ANKRD30BL: variants seen among roughly 807,000 people sequenced by gnomAD.
ANKRD30BL encodes the protein ankyrin repeat domain 30B like.
A neutral mutation model predicts 18.4 loss-of-function variants in ANKRD30BL; 20 were observed. The ratio of observed to expected loss-of-function variants is 1.09; its 90% CI spans 0.77 to 1.58. The LOEUF is 1.58. Ranked by LOEUF, ANKRD30BL falls within the 40% of genes most tolerant of loss-of-function variation. ANKRD30BL has a pLI of 0.00. For missense variants in ANKRD30BL, 224 were observed against 268.6 expected (o/e 0.83, Z 1.16); for synonymous variants, 72 against 100.9 (o/e 0.71, Z 1.72).
rs1167704016 is a variant in ANKRD30BL, at chr2:132,233,250, A to T, written n.441+24279T>A. On this transcript the variant is annotated intron_variant and non_coding_transcript_variant, in intron 1 of 4. Transcript: ENST00000470729. Reference sequence around the variant, plus strand: ...AAAATCATGCCAAAATGTAAAGACCATCGAGACTAGGAAGAAACTGCATCA... The same window carrying T: ...AAAATCATGCCAAAATGTAAAGACCTTCGAGACTAGGAAGAAACTGCATCA... Among the ~76,000 whole-genome samples, 9 of 152,074 alleles carry T rather than the reference A, an allele frequency of 5.9e-5. No individual in the cohort carries two copies. In the East Asian group the frequency reaches 9.6e-4, roughly 16 times the overall value.
upstream of ANKRD30BL, among the ~76,000 whole-genome samples, chr2:132,164,022 T>C (rs62161672): frequency 0.14 from 21,698 of 152,214 alleles, 1,768 homozygotes; most frequent in Admixed American, 0.23. Context: ...TTTTATCACA[T>C]GATCATTCCG....
chr2:132,202,469 GA>G (rs1679127080), intron 1 of ANKRD30BL, among the ~76,000 whole-genome samples: 1 of 149,084 alleles, frequency 6.7e-6, no homozygotes, highest in Non-Finnish European at 1.5e-5. Context: ...AATATTTTAA[GA>G]TAAAATTTAA....
intron 1 of ANKRD30BL, among the ~76,000 whole-genome samples, chr2:132,203,140 G>T (rs1395616017): frequency 6.6e-6 from 1 of 152,294 alleles, no homozygotes; most frequent in Non-Finnish European, 1.5e-5. Context: ...AAAGGCAGGT[G>T]GAGGAAAATA....
chr2:132,256,584 C>A (rs1406133336), intron 1 of ANKRD30BL, among the ~76,000 whole-genome samples: 1 of 152,232 alleles, frequency 6.6e-6, no homozygotes, highest in Non-Finnish European at 1.5e-5. Flanking sequence ...CTCGCGGCAC[C>A]TGGAGCGGCC....
intron 1 of ANKRD30BL, among the ~76,000 whole-genome samples, chr2:132,213,738 G>A (rs955060769): frequency 6.6e-6 from 1 of 152,168 alleles, no homozygotes; most frequent in Non-Finnish European, 1.5e-5. Flanking sequence ...TCATTGAGCA[G>A]TTTTGAAACA....
At chr2:132,249,088 A>G (rs1680580657) in intron 1 of ANKRD30BL, among the ~76,000 whole-genome samples, 1 of 152,230 alleles carries the variant, frequency 6.6e-6, no homozygotes, top group Non-Finnish European at 1.5e-5. Context: ...ATTACAAAGC[A>G]GTTTCTCAGA....
chr2:132,180,260 A>T (rs1489048578), intron 1 of ANKRD30BL, among the ~76,000 whole-genome samples: 1 of 148,588 alleles, frequency 6.7e-6, no homozygotes, highest in Non-Finnish European at 1.5e-5. Flanking sequence ...CTATGATAAG[A>T]TGCAAAATAC....
At position 132,157,376 on chromosome 2, in the gene ANKRD30BL, G is replaced by T. The variant is rs753465913; in HGVS notation, c.266C>A (p.Thr89Lys). The change falls in exon 2 of 6, where the codon ACA (threonine) becomes AAA (lysine). Residue 89 changes from threonine to lysine, a missense_variant. Physicochemically the swap from Thr to Lys is moderately conservative, Grantham distance 78. Coordinates refer to ENST00000409867, the MANE Select transcript of ANKRD30BL (RefSeq NM_001358416.1). The part of the protein sequence containing the change: ...ACANGHAEVV[T>K]LLVDRKCQLD... ...CTGACACTTTCTATCTACCAGAAGT[G>T]TTACTACTTCTGCATGGCCATTGGC... 3.9e-5 allele frequency: 29 copies of T among 752,174 alleles called. No homozygotes were observed. Among genetic ancestry groups the T allele is most frequent in the Non-Finnish European group, 9.8e-6 (4 of 406,780 alleles). 46.6% of individuals were successfully genotyped at this position (752,174 alleles called of 1,614,324 possible).
Position 132,218,875 on chromosome 2 carries a change from C to A in ANKRD30BL, n.441+38654G>T, listed in dbSNP as rs368053929. ...CGTACATTCAACTAACAGAGTTAAA[C>A]CTTTCTTTTGATAGAGCTGATTTTA... On this transcript the variant is annotated intron_variant and non_coding_transcript_variant, in intron 1 of 4. Coordinates refer to the ANKRD30BL transcript ENST00000470729. 8.5e-5 allele frequency among the ~76,000 whole-genome samples: 13 copies of A among 152,206 alleles called. No homozygotes were observed. The East Asian group carries it at 2.3e-3, about 27-fold the overall frequency.
chr2:132,254,686 T>G (rs1680772073), intron 1 of ANKRD30BL, among the ~76,000 whole-genome samples: 1 of 152,230 alleles, frequency 6.6e-6, no homozygotes, highest in African/African-American at 2.4e-5. Context: ...GTAGCGCGCG[T>G]GCAGCCCTGG....
chr2:132,242,798 C>T (rs1437483096), intron 1 of ANKRD30BL, among the ~76,000 whole-genome samples: 2 of 150,980 alleles, frequency 1.3e-5, no homozygotes, highest in East Asian at 3.9e-4. Flanking sequence ...TCTTTTGATA[C>T]ACAACTTTTG....
At chr2:132,167,830 G>A (rs1029593557) in intron 1 of ANKRD30BL, among the ~76,000 whole-genome samples, 44 of 152,030 alleles carry the variant, frequency 2.9e-4, no homozygotes, top group African/African-American at 9.7e-4. Context: ...TACTTCACAC[G>A]TAGTGTAGGT....
At position 132,150,976 on chromosome 2, in the gene ANKRD30BL, G is replaced by A. The variant is rs1254657266; in HGVS notation, c.615C>T (p.Cys205=). Residue 205 remains cysteine, a splice_region_variant and synonymous_variant, in exon 5 of 6, where the codon TGC becomes TGT. Transcript: ENST00000409867. ...TATATTCCAAAAGTTGTTGATGAAC[G>A]CTATGTATAAAAATGAAATAAATAA... The part of the protein sequence containing the change: ...ANANAVDKFK[C]VHQQLLEYKQ... The A allele has an allele frequency of 7.4e-5, 44 of 591,672 alleles. No individual in the cohort carries two copies. Among genetic ancestry groups the A allele is most frequent in the Non-Finnish European group, 1.1e-4 (37 of 334,630 alleles). 36.7% of individuals were successfully genotyped at this position (591,672 alleles called of 1,614,324 possible).
At chr2:132,204,759 T>G (rs555341822) in intron 1 of ANKRD30BL, among the ~76,000 whole-genome samples, 122 of 152,204 alleles carry the variant, frequency 8.0e-4, no homozygotes, top group African/African-American at 2.9e-3. Context: ...GCCACTGGCT[T>G]GATATTATCA....
intron 1 of ANKRD30BL, among the ~76,000 whole-genome samples, chr2:132,226,822 A>T (rs1192349178): frequency 6.6e-6 from 1 of 152,118 alleles, no homozygotes; most frequent in East Asian, 1.9e-4. Flanking sequence ...CTGTAAGTGG[A>T]CATGTAAAGC....
chr2:132,161,980 A>C (rs1053362647), upstream of ANKRD30BL: 234 of 352,544 alleles, frequency 6.6e-4, 1 homozygote, highest in Non-Finnish European at 1.4e-4. Flanking sequence ...AACTCAGCAG[A>C]CCTGGGAGAC....
At chr2:132,215,372 A>G (rs78298659) in intron 1 of ANKRD30BL, among the ~76,000 whole-genome samples, 1 of 152,176 alleles carries the variant, frequency 6.6e-6, no homozygotes, top group Non-Finnish European at 1.5e-5. Context: ...AAAACTAGGT[A>G]GAAGCATTCT....
At chr2:132,250,500 C>A (rs1278755540) in intron 1 of ANKRD30BL, among the ~76,000 whole-genome samples, 2 of 152,164 alleles carry the variant, frequency 1.3e-5, no homozygotes, top group East Asian at 3.9e-4. Context: ...ATTAGGAATT[C>A]AACAGAAGTC....
Position 132,234,417 on chromosome 2 carries a change from C to T in ANKRD30BL, n.441+23112G>A, listed in dbSNP as rs555838229. Among the ~76,000 whole-genome samples, 94 of 151,532 alleles carry T rather than the reference C, an allele frequency of 6.2e-4. 1 individual carries two copies. The highest frequency in any genetic ancestry group is 3.4e-3 in the Middle Eastern group (1 of 294). Reference sequence around the variant, plus strand: ...CCAGGAGCTGGTTTTTTGAAAGGATCAACAAAATTGATAGACAGCTAGCAA... The same window carrying T: ...CCAGGAGCTGGTTTTTTGAAAGGATTAACAAAATTGATAGACAGCTAGCAA... On this transcript the variant is annotated intron_variant and non_coding_transcript_variant, in intron 1 of 4. Coordinates refer to the ANKRD30BL transcript ENST00000470729.
Sources: allele counts gnomAD v4.1 joint callset (sites outside exome capture counted in the v4.1 genomes callset), GRCh38; gene constraint gnomAD v4.1.1; transcripts MANE v1.5; gene names NCBI Gene and HGNC (gene_info 2026-07-23, HGNC 2026-07-21).